CNTN5: variants seen among roughly 807,000 people sequenced by gnomAD.
The protein encoded by CNTN5 is contactin 5.
Under a neutral mutation model 129.1 loss-of-function variants are expected in CNTN5, and 77 were observed. The observed-to-expected ratio is 0.60, with a 90% CI of 0.50 to 0.72. CNTN5 has a LOEUF of 0.72. Ranked by LOEUF, CNTN5 falls within the 30% of genes least tolerant of loss-of-function variation. CNTN5 has a pLI of 0.00. For missense variants in CNTN5, 1,478 were observed against 1,328.8 expected (o/e 1.11, Z -1.75); for synonymous variants, 509 against 465.6 (o/e 1.09, Z -1.20).
intron 3 of CNTN5, among the ~76,000 whole-genome samples, chr11:99,717,095 T>C (rs917100998): frequency 1.4e-4 from 21 of 152,122 alleles, no homozygotes; most frequent in African/African-American, 4.8e-4. Flanking sequence ...CCACAAATTG[T>C]ATATTGTATA....
chr11:100,112,432 C>A (rs1039061501), intron 13 of CNTN5, among the ~76,000 whole-genome samples: 11 of 151,994 alleles, frequency 7.2e-5, no homozygotes, highest in Admixed American at 2.6e-4. Flanking sequence ...TAGAAAAATT[C>A]TATTTTAAAA....
chr11:99,092,061 C>A (rs1866275013), intron 1 of CNTN5, among the ~76,000 whole-genome samples: 2 of 152,006 alleles, frequency 1.3e-5, no homozygotes, highest in African/African-American at 4.8e-5. Flanking sequence ...CCCAATTTTG[C>A]AAACAGGAGC....
rs12575588 is a variant in CNTN5, at chr11:99,470,189, A to G, written c.-70-85956A>G. Reference sequence around the variant, plus strand: ...GTTATGAATCAGTTATTTCATTGATATTTCAATTTAGTTTATGTCCTCCAC... The same window carrying G: ...GTTATGAATCAGTTATTTCATTGATGTTTCAATTTAGTTTATGTCCTCCAC... On this transcript the variant is annotated intron_variant, in intron 2 of 24. Coordinates refer to ENST00000524871, the MANE Select transcript of CNTN5 (RefSeq NM_014361.4). 4.6e-3 allele frequency among the ~76,000 whole-genome samples: 693 copies of G among 152,202 alleles called. 18 individuals carry two copies. The East Asian group carries it at 0.09, about 20-fold the overall frequency.
At chr11:100,094,461 G>A (rs1428983551) in intron 13 of CNTN5, among the ~76,000 whole-genome samples, 2 of 152,042 alleles carry the variant, frequency 1.3e-5, no homozygotes, top group Admixed American at 6.6e-5. Flanking sequence ...GATTTTTAAA[G>A]AGTCAGTCGA....
intron 9 of CNTN5, among the ~76,000 whole-genome samples, chr11:100,004,811 CTG>C (rs1940090703): frequency 6.6e-6 from 1 of 152,146 alleles, no homozygotes; most frequent in Non-Finnish European, 1.5e-5. Context: ...GCTGTAATGA[CTG>C]TTGCTGTGAA....
intron 1 of CNTN5, among the ~76,000 whole-genome samples, chr11:99,322,692 G>A (rs1462268687): frequency 6.6e-6 from 1 of 152,046 alleles, no homozygotes; most frequent in Non-Finnish European, 1.5e-5. Context: ...TCTAGGATAA[G>A]GGACAAATTT....
chr11:99,105,179 T>A (rs1217090032), intron 1 of CNTN5, among the ~76,000 whole-genome samples: 2 of 152,164 alleles, frequency 1.3e-5, no homozygotes, highest in African/African-American at 4.8e-5. Flanking sequence ...CAAATTAGAT[T>A]AATAAGTACA....
chr11:100,161,872 C>CACACACAAAA (rs1191557675), intron 13 of CNTN5, among the ~76,000 whole-genome samples: 1 of 127,620 alleles, frequency 7.8e-6, no homozygotes, highest in African/African-American at 3.0e-5. Flanking sequence ...CACACACACA[C>CACACACAAAA]AAAACAAAAA....
At chr11:100,171,911 T>C (rs1163177876) in intron 13 of CNTN5, among the ~76,000 whole-genome samples, 2 of 152,072 alleles carry the variant, frequency 1.3e-5, no homozygotes. Context: ...TATCTAGCTA[T>C]AAATAGTGTT....
At chr11:99,210,710 T>A (rs1859728205) in intron 1 of CNTN5, among the ~76,000 whole-genome samples, 1 of 147,578 alleles carries the variant, frequency 6.8e-6, no homozygotes, top group African/African-American at 2.5e-5. Flanking sequence ...ATTATGGCTA[T>A]GTAAATGTTA....
intron 6 of CNTN5, among the ~76,000 whole-genome samples, chr11:99,900,730 T>G (rs1949335110): frequency 1.3e-5 from 2 of 152,154 alleles, no homozygotes; most frequent in South Asian, 4.1e-4. Context: ...CCACTATATG[T>G]TTTAAGTGGG....
chr11:100,033,307 A>G (rs1352299866), intron 9 of CNTN5, among the ~76,000 whole-genome samples: 1 of 152,194 alleles, frequency 6.6e-6, no homozygotes, highest in African/African-American at 2.4e-5. Flanking sequence ...ACAGAGTAAA[A>G]TAAGGGAGAT....
At chr11:99,571,649 T>A (rs1353894888) in intron 3 of CNTN5, among the ~76,000 whole-genome samples, 3 of 152,162 alleles carry the variant, frequency 2.0e-5, no homozygotes, top group Admixed American at 2.0e-4. Context: ...TTTTTGTAAG[T>A]CAATGAGTAA....
chr11:99,964,119 CAA>C (rs769098229), intron 8 of CNTN5, among the ~76,000 whole-genome samples: 1 of 152,078 alleles, frequency 6.6e-6, no homozygotes, highest in African/African-American at 2.4e-5. Context: ...GACAATTTGA[CAA>C]TTCCTCTTTT....
intron 2 of CNTN5, among the ~76,000 whole-genome samples, chr11:99,399,420 T>A (rs1941686339): frequency 6.6e-6 from 1 of 151,666 alleles, no homozygotes; most frequent in African/African-American, 2.4e-5. Flanking sequence ...TATATTTAAT[T>A]CACATAAAAG....
chr11:99,273,402 T>C (rs1463345889), intron 1 of CNTN5, among the ~76,000 whole-genome samples: 1 of 151,874 alleles, frequency 6.6e-6, no homozygotes, highest in Non-Finnish European at 1.5e-5. Flanking sequence ...TTCTCTAGTG[T>C]ATCCCAACGG....
At chr11:99,194,898 G>C (rs996166704) in intron 1 of CNTN5, among the ~76,000 whole-genome samples, 1 of 152,226 alleles carries the variant, frequency 6.6e-6, no homozygotes, top group Non-Finnish European at 1.5e-5. Flanking sequence ...AGCCACCAAG[G>C]CTGGCCCCTG....
intron 7 of CNTN5, among the ~76,000 whole-genome samples, chr11:99,934,837 T>G (rs1236198009): frequency 1.3e-5 from 2 of 148,986 alleles, no homozygotes; most frequent in African/African-American, 5.0e-5. Flanking sequence ...ATCGCACCAC[T>G]GCACTCCAGC....
intron 8 of CNTN5, among the ~76,000 whole-genome samples, chr11:99,967,723 C>T (rs1359780109): frequency 1.3e-5 from 2 of 152,110 alleles, no homozygotes. Flanking sequence ...TCCTCAACAG[C>T]TATAATTTCT....
Sources: allele counts gnomAD v4.1 joint callset (sites outside exome capture counted in the v4.1 genomes callset), GRCh38; gene constraint gnomAD v4.1.1; transcripts MANE v1.5; gene names NCBI Gene and HGNC (gene_info 2026-07-23, HGNC 2026-07-21).